PCDH12: variants seen among roughly 807,000 people sequenced by gnomAD.
PCDH12 encodes protocadherin-12.
PCDH12 carries 45 observed loss-of-function variants against 70.9 expected under a neutral mutation model. That is an observed-to-expected ratio of 0.63 (90% CI 0.50 to 0.81). The LOEUF (loss-of-function observed/expected upper bound fraction) is 0.81, where lower values mean the gene tolerates loss of function less well. Ranked by LOEUF, PCDH12 falls within the 40% of genes least tolerant of loss-of-function variation. The pLI is 0.00. For missense variants in PCDH12, 1,370 were observed against 1,491.7 expected, an observed-to-expected ratio of 0.92 and a Z score of 1.34; for synonymous variants, 567 against 626.0, an observed-to-expected ratio of 0.91 and a Z score of 1.41.
chr5:141,956,998 T>A lies in PCDH12; in HGVS notation c.854A>T (p.Lys285Met). ...GTCCAGCACCTCTGGAGGCATGTGC[T>A]TACTGAGGAAGAACTCCACCTCCCC... ...PNGEVEFFLS[K>M]HMPPEVLDTF... Residue 285 changes from lysine (K) to methionine (M), a missense_variant, in exon 1 of 4, where the codon AAG becomes ATG. Physicochemically the swap from Lys to Met is moderately conservative, Grantham distance 95 (BLOSUM62 -1). Coordinates refer to ENST00000231484, the MANE Select transcript of PCDH12 (RefSeq NM_016580.4). 1 of 1,614,196 alleles carries A rather than the reference T, an allele frequency of 6.2e-7. No homozygotes were observed. Among genetic ancestry groups the A allele is most frequent in the Non-Finnish European group, 8.5e-7 (1 of 1,180,038 alleles).
At chr5:141,951,616 C>G (rs759157472) in intron 1 of PCDH12, 26 bp from the exon 2 acceptor site, 1 of 1,541,876 alleles carries the variant, frequency 6.5e-7, no homozygotes, top group Non-Finnish European at 9.0e-7. Context: ...AATCTGTTGA[C>G]TCCACACAAT....
rs1752861647 is a variant in PCDH12, at chr5:141,944,792, G to A, written c.*589C>T. 1 of 152,370 alleles carries A rather than the reference G, an allele frequency of 6.6e-6. No homozygotes were observed. The highest frequency in any genetic ancestry group is 2.4e-5 in the African/African-American group (1 of 41,412). The allele number at this position is 152,370 out of a possible 1,614,324, so 9.4% of individuals were successfully genotyped here. A position where few individuals can be genotyped will look rare whatever the true frequency, so the allele number is the denominator to read the frequency against. ...CAGATTAGTTGGTAACATAGTGATA[G>A]GGGAACAGGGGTAAGAGCACACATG... is the stretch of plus-strand genomic sequence containing the variant. On this transcript the variant is annotated 3_prime_UTR_variant, in exon 4 of 4. Coordinates refer to ENST00000231484, the MANE Select transcript of PCDH12 (RefSeq NM_016580.4).
rs749411158 is a variant in PCDH12, at chr5:141,955,776, C to T, written c.2076G>A (p.Arg692=). The change falls in exon 1 of 4, where the codon AGG becomes AGA. Residue 692 remains arginine, a synonymous_variant. Coordinates refer to ENST00000231484, the MANE Select transcript of PCDH12 (RefSeq NM_016580.4). This position sits in a 1 kb window ranked among gnomAD's most constrained non-coding sequence, Gnocchi z 5.5. ...GGTCCACACTGGTGACAAACATGAC[C>T]CTCAACAGGGCTCGGGTCTGTAAGG... The part of the protein sequence containing the change: ...SPPLQTRALL[R]VMFVTSVDHL... 2 of 1,613,860 alleles carry T rather than the reference C, an allele frequency of 1.2e-6. No homozygotes were observed. The highest frequency in any genetic ancestry group is 1.7e-6 in the Non-Finnish European group (2 of 1,179,920).
Position 141,945,341 on chromosome 5 carries a change from AG to A in PCDH12, c.*39del, listed in dbSNP as rs760027817. Reference sequence around the variant, plus strand: ...AACCAGCTCTTGTCCACAGATCCTCAGGCCCCTGGTTCTTGGATCCAGAGGC... The same window carrying A: ...AACCAGCTCTTGTCCACAGATCCTCAGCCCCTGGTTCTTGGATCCAGAGGC... On this transcript the variant is annotated 3_prime_UTR_variant, in exon 4 of 4. Coordinates refer to ENST00000231484, the MANE Select transcript of PCDH12 (RefSeq NM_016580.4). The A allele has an allele frequency of 6.4e-7, 1 of 1,556,774 alleles. No individual in the cohort carries two copies. Among genetic ancestry groups the A allele is most frequent in the East Asian group, 2.2e-5 (1 of 44,508 alleles).
intron 3 of PCDH12, 115 bp from the exon 4 acceptor site, chr5:141,945,920 A>C (rs1204897156): frequency 3.1e-6 from 3 of 955,002 alleles, no homozygotes; most frequent in African/African-American, 1.6e-5. Flanking sequence ...GGGAAATGGC[A>C]GGGGACAGAC....
At chr5:141,945,906 G>T in intron 3 of PCDH12, 101 bp from the exon 4 acceptor site, 4 of 1,103,020 alleles carry the variant, frequency 3.6e-6, no homozygotes, top group Non-Finnish European at 5.3e-6. Flanking sequence ...GACAAAGGAG[G>T]GAAGGGAAAT....
At position 141,945,635 on chromosome 5, in the gene PCDH12, T is replaced by C. The variant is rs144910513; in HGVS notation, c.3301A>G (p.Thr1101Ala). 43 of 1,614,180 alleles carry C rather than the reference T, an allele frequency of 2.7e-5. No individual in the cohort carries two copies. Among genetic ancestry groups the C allele is most frequent in the Non-Finnish European group, 3.4e-5 (40 of 1,180,034 alleles). The change falls in exon 4 of 4, where the codon ACA becomes GCA. Residue 1101 changes from threonine to alanine, a missense_variant. Transcript: ENST00000231484. ...GKAEAPELSP[T>A]GTRLASTFVS... ...AAGGTGCTGGCCAGCCTCGTGCCTG[T>C]TGGGCTCAGCTCTGGTGCCTCTGCC...
Position 141,945,086 on chromosome 5 carries a change from ATCTGT to A in PCDH12, c.*290_*294del. 1 of 398,864 alleles carries A rather than the reference ATCTGT, an allele frequency of 2.5e-6. No individual in the cohort carries two copies. The highest frequency in any genetic ancestry group is 4.2e-5 in the Admixed American group (1 of 23,932). 24.7% of individuals were successfully genotyped at this position (398,864 alleles called of 1,614,324 possible). ...TTTCCTGCCTGTGATACTCCGTGGC[ATCTGT>A]TCTGCCAGAGGACTGACCCTTTGTG... On this transcript the variant is annotated 3_prime_UTR_variant, in exon 4 of 4. Transcript: ENST00000231484.
Position 141,955,472 on chromosome 5 carries a change from A to G in PCDH12, c.2380T>C (p.Ser794Pro), listed in dbSNP as rs1753163022. The G allele has an allele frequency of 6.2e-7, 1 of 1,613,992 alleles. No homozygotes were observed. The highest frequency in any genetic ancestry group is 8.5e-7 in the Non-Finnish European group (1 of 1,179,962). ...GCCTCCTTGTCCACATCTTTGTGGG[A>G]CTGCCCGACTTCACAAGGCTCACCT... ...QAGEPCEVGQ[S>P]HKDVDKEAMM... The change falls in exon 1 of 4, where the codon TCC becomes CCC. Residue 794 changes from serine to proline, a missense_variant. Transcript: ENST00000231484. The surrounding 1 kb of genome is among the most constrained non-coding windows in gnomAD (Gnocchi z 5.5).
chr5:141,949,424 G>T lies in PCDH12; in HGVS notation c.3130+8C>A. ...AGCAGGGTCAAGGTAACTCCAGGGG[G>T]TCCCTACCTGTGCTGGGGTCCAGCA... On this transcript the variant is annotated splice_region_variant and intron_variant, in intron 3 of 3. Transcript: ENST00000231484. The T allele has an allele frequency of 6.2e-7, 1 of 1,610,708 alleles. No homozygotes were observed. The highest frequency in any genetic ancestry group is 8.5e-7 in the Non-Finnish European group (1 of 1,178,178).
intron 3 of PCDH12, 54 bp from the exon 4 acceptor site, chr5:141,945,859 G>A (rs776121053): frequency 2.2e-5 from 34 of 1,528,244 alleles, no homozygotes; most frequent in African/African-American, 2.7e-5. Flanking sequence ...AGGGCCAGGC[G>A]GGTGAGGGTG....
At position 141,945,729 on chromosome 5, in the gene PCDH12, GTAGT is replaced by G. The variant is rs1190537928; in HGVS notation, c.3203_3206del (p.Asn1068ThrfsTer5). On this transcript the variant is annotated frameshift_variant, in exon 4 of 4. Transcript: ENST00000231484. LOFTEE classifies it high-confidence loss of function. ...CATCCGGGGAGATCACATTGTCACG[GTAGT>G]TGGTGGTGAGGGGCAAAGAGAGTCT... 1 of 1,614,132 alleles carries G rather than the reference GTAGT, an allele frequency of 6.2e-7. No homozygotes were observed. Among genetic ancestry groups the G allele is most frequent in the African/African-American group, 1.3e-5 (1 of 75,074 alleles).
chr5:141,945,729 G>A lies in PCDH12; in HGVS notation c.3207C>T (p.Tyr1069=). 3.7e-6 allele frequency: 6 copies of A among 1,614,132 alleles called. No homozygotes were observed. The highest frequency in any genetic ancestry group is 5.1e-6 in the Non-Finnish European group (6 of 1,180,044). ...ARLSLPLTTN[Y]RDNVISPDAA... ...CATCCGGGGAGATCACATTGTCACG[G>A]TAGTTGGTGGTGAGGGGCAAAGAGA... Residue 1069 remains tyrosine, a synonymous_variant, in exon 4 of 4, where the codon TAC becomes TAT. Coordinates refer to ENST00000231484, the MANE Select transcript of PCDH12 (RefSeq NM_016580.4).
intron 1 of PCDH12, among the ~76,000 whole-genome samples, chr5:141,952,009 T>G (rs1753093645): frequency 6.6e-6 from 1 of 152,260 alleles, no homozygotes; most frequent in Admixed American, 6.5e-5. Context: ...GTTGACCAGA[T>G]GTAAGACTAT....
In PCDH12 at chr5:141,951,591, C is replaced by T. The variant is rs1271560635; in HGVS notation, c.2881-1G>A. 1 of 1,613,174 alleles carries T rather than the reference C, an allele frequency of 6.2e-7. No homozygotes were observed. Among genetic ancestry groups the T allele is most frequent in the Admixed American group, 1.7e-5 (1 of 60,034 alleles). ...GCAAGGACAGCAGCTGGGAGATTTG[C>T]TACAAGACAGGAAAAATCTGTTGAC... is the stretch of plus-strand genomic sequence containing the variant. On this transcript the variant is annotated splice_acceptor_variant, in intron 1 of 3. Coordinates refer to ENST00000231484, the MANE Select transcript of PCDH12 (RefSeq NM_016580.4). LOFTEE classifies it high-confidence loss of function.
At position 141,955,469 on chromosome 5, in the gene PCDH12, G is replaced by A. The variant is rs765405851; in HGVS notation, c.2383C>T (p.His795Tyr). The change falls in exon 1 of 4, where the codon CAC (histidine) becomes TAC (tyrosine). Residue 795 changes from histidine to tyrosine, a missense_variant. His to Tyr is a moderately conservative substitution (Grantham distance 83, BLOSUM62 2). Transcript: ENST00000231484. The surrounding 1 kb of genome is among the most constrained non-coding windows in gnomAD (Gnocchi z 5.5). The part of the protein sequence containing the change: ...AGEPCEVGQS[H>Y]KDVDKEAMME... ...ATCGCCTCCTTGTCCACATCTTTGT[G>A]GGACTGCCCGACTTCACAAGGCTCA... 9.3e-6 allele frequency: 15 copies of A among 1,614,048 alleles called. No individual in the cohort carries two copies. The highest frequency in any genetic ancestry group is 3.3e-5 in the Admixed American group (2 of 60,016).
intron 2 of PCDH12, among the ~76,000 whole-genome samples, chr5:141,950,207 C>A (rs1192252015): frequency 6.6e-6 from 1 of 152,186 alleles, no homozygotes; most frequent in African/African-American, 2.4e-5. Context: ...CTGCTACCTG[C>A]ACCCCAGTCT....
chr5:141,954,918 T>C (rs915423832), intron 1 of PCDH12, 54 bp downstream of exon 1: 1 of 1,550,334 alleles, frequency 6.5e-7, no homozygotes, highest in Admixed American at 1.9e-5. Context: ...TGTCTGATTC[T>C]GTTTCTGGTG....
intron 3 of PCDH12, among the ~76,000 whole-genome samples, chr5:141,946,673 A>G (rs1423233841): frequency 6.6e-6 from 1 of 152,226 alleles, no homozygotes; most frequent in African/African-American, 2.4e-5. Context: ...TGCCTGTCCA[A>G]GGGCTGTCCC....
Sources: gnomAD v4.1 joint callset for allele counts (sites outside exome capture counted in the v4.1 genomes callset) on GRCh38, gnomAD v4.1.1 for gene constraint, Gnocchi (gnomAD v3.1) non-coding constraint, MANE v1.5 for transcripts, NCBI Gene and HGNC (gene_info 2026-07-23, HGNC 2026-07-21) for gene names.